The following TLCD1 variants were observed in gnomAD, a reference collection of about 807,000 sequenced individuals.
TLCD1 encodes the protein TLC domain-containing protein 1.
Under a neutral mutation model 21.2 loss-of-function variants are expected in TLCD1, and 21 were observed. The observed-to-expected ratio is 0.99, with a 90% CI of 0.70 to 1.42. The LOEUF (loss-of-function observed/expected upper bound fraction) is 1.42. Among genes scored for constraint, TLCD1 ranks in the 40% most tolerant of loss-of-function variants. The pLI is 0.00. For synonymous variants in TLCD1, 168 were observed against 134.8 expected (o/e 1.25, Z -1.71); for missense variants, 344 against 330.3 (o/e 1.04, Z -0.32).
upstream of TLCD1, chr17:28,726,917 A>T: frequency 8.9e-7 from 1 of 1,129,342 alleles, no homozygotes; most frequent in Non-Finnish European, 1.3e-6. Flanking sequence ...TGGGCAAGCA[A>T]GACCTCCGAT....
rs1567755617 is a variant in TLCD1 at position 28,725,894 on chromosome 17, GCTCA to G, written c.194+6_194+9del. 2 of 1,611,010 alleles carry G rather than the reference GCTCA, an allele frequency of 1.2e-6. No individual in the cohort carries two copies. The highest frequency in any genetic ancestry group is 1.7e-5 in the Admixed American group (1 of 59,592). ...CCCTGGCCACCTCATTTCCACAGTC[GCTCA>G]CTCACCACAGCAGTGCCCAGATCCC... On this transcript the variant is annotated splice_donor_region_variant and intron_variant, in intron 1 of 3. Transcript: ENST00000292090.
upstream of TLCD1, chr17:28,726,245 C>G: frequency 1.6e-6 from 2 of 1,272,260 alleles, no homozygotes; most frequent in Non-Finnish European, 2.0e-6. Flanking sequence ...CCCCTTGGCT[C>G]CTCCTCGCCC....
chr17:28,726,800 G>A (rs758196591), upstream of TLCD1: 6 of 1,548,674 alleles, frequency 3.9e-6, no homozygotes, highest in Middle Eastern at 1.7e-4. Context: ...GAACTGCTGA[G>A]TAACCCATCG....
chr17:28,724,830 G>A lies in TLCD1; in HGVS notation c.424C>T (p.Leu142=). The A allele has an allele frequency of 6.2e-7, 1 of 1,614,042 alleles. No individual in the cohort carries two copies. The highest frequency in any genetic ancestry group is 1.1e-5 in the South Asian group (1 of 91,070). The change falls in exon 4 of 4, where the codon CTA becomes TTA. Residue 142 remains leucine (L), a synonymous_variant. Coordinates refer to ENST00000292090, the MANE Select transcript of TLCD1 (RefSeq NM_138463.4). ...SSFVGGGVLT[L]LVEVSNIFLT... The stretch of plus-strand genomic sequence containing the variant: ...AAGATGTTGCTGACTTCCACCAGTA[G>A]TGTTAAGACACCCCCACCGACAAAG...
chr17:28,726,708 GC>G, upstream of TLCD1: 1 of 1,532,256 alleles, frequency 6.5e-7, no homozygotes. Context: ...CAGACCCAGT[GC>G]CCCTACCGCA....
At chr17:28,726,640 C>G, upstream of TLCD1, 1 of 1,008,312 alleles carries the variant, frequency 9.9e-7, no homozygotes, top group Non-Finnish European at 1.5e-6. Flanking sequence ...GCCCACGCCC[C>G]CTAAGTCCTG....
chr17:28,724,434 T>A lies in TLCD1; in HGVS notation c.*76A>T, dbSNP rs1446570320. The A allele has an allele frequency of 6.5e-7, 1 of 1,548,032 alleles. No individual in the cohort carries two copies. The highest frequency in any genetic ancestry group is 1.4e-5 in the African/African-American group (1 of 73,250). ...GGCTGGCCTCAGAGGACACCCAGGC[T>A]TGGGGCTAAGTCCCAGTGTCCATAT... is the stretch of plus-strand genomic sequence containing the variant. On this transcript the variant is annotated 3_prime_UTR_variant, in exon 4 of 4. Transcript: ENST00000292090.
chr17:28,724,972 A>T, intron 3 of TLCD1, 79 bp from the exon 4 acceptor site: 1 of 1,503,264 alleles, frequency 6.7e-7, no homozygotes, highest in Non-Finnish European at 8.9e-7. Flanking sequence ...TGGCTATCAG[A>T]TTGAGGGCTG....
chr17:28,724,657 G>T lies in TLCD1; in HGVS notation c.597C>A (p.Asn199Lys). 1.2e-6 allele frequency: 2 copies of T among 1,614,174 alleles called. No individual in the cohort carries two copies. The highest frequency in any genetic ancestry group is 8.5e-7 in the Non-Finnish European group (1 of 1,180,010). The change falls in exon 4 of 4, where the codon AAC becomes AAA. Residue 199 changes from asparagine (N) to lysine (K), a missense_variant. Coordinates refer to ENST00000292090, the MANE Select transcript of TLCD1 (RefSeq NM_138463.4). ...GCAGGAAGGTGCCCAGGGTCCTCTG[G>T]TTCACATAACGCAAGAAGAAATGGG... ...YLTHFFLRYV[N>K]QRTLGTFLLG...
chr17:28,725,278 T>G (rs778995111), intron 3 of TLCD1, 26 bp downstream of exon 3: 2 of 1,612,570 alleles, frequency 1.2e-6, no homozygotes. Flanking sequence ...ACCAGGCCTA[T>G]ACCACATAGT....
Position 28,726,045 on chromosome 17 carries a change from G to C in TLCD1, c.53C>G (p.Thr18Ser), listed in dbSNP as rs1378428976. 6.4e-7 allele frequency: 1 copy of C among 1,573,720 alleles called. No individual in the cohort carries two copies. Among genetic ancestry groups the C allele is most frequent in the East Asian group, 2.4e-5 (1 of 42,496 alleles). ...ALPLLLGATLTFRALRRALCR... is the reference protein window; with the variant it reads ...ALPLLLGATLSFRALRRALCR... ...GAGCGCGCGCCGGAGCGCCCGGAAGGTCAGCGTGGCGCCCAGGAGCAGCGG... is the reference window on the plus strand; with the variant it reads ...GAGCGCGCGCCGGAGCGCCCGGAAGCTCAGCGTGGCGCCCAGGAGCAGCGG... The change falls in exon 1 of 4, where the codon ACC becomes AGC. Residue 18 changes from threonine to serine, a missense_variant. Transcript: ENST00000292090.
rs767633625 is a variant in TLCD1, at chr17:28,725,563, A to G, written c.195T>C (p.Cys65=). Residue 65 remains cysteine, a splice_region_variant and synonymous_variant, in exon 2 of 4, where the codon TGT becomes TGC. Transcript: ENST00000292090. The stretch of plus-strand genomic sequence containing the variant: ...CTAACATGTCAGGAGTCTGCCATAC[A>G]CTGGAAAGGAGGGAAGAGGAGGCTC... ...SIVSGIWALL[C]VWQTPDMLVE... 3.1e-6 allele frequency: 5 copies of G among 1,613,822 alleles called. No individual in the cohort carries two copies. In the African/African-American group the frequency reaches 4.0e-5, roughly 13 times the overall value.
upstream of TLCD1, chr17:28,726,252 G>A (rs1487876378): frequency 3.2e-6 from 4 of 1,263,870 alleles, no homozygotes; most frequent in Admixed American, 4.2e-5. Context: ...GCTCCTCCTC[G>A]CCCTCCCTGC....
At chr17:28,725,038 T>G (rs1252102296) in intron 3 of TLCD1, 145 bp from the exon 4 acceptor site, 1 of 997,078 alleles carries the variant, frequency 1.0e-6, no homozygotes, top group East Asian at 2.6e-5. Context: ...GATGCTTTGT[T>G]TTGTTAGTTC....
Position 28,726,191 on chromosome 17 carries a change from T to A in TLCD1, c.-94A>T, listed in dbSNP as rs1260172708. On this transcript the variant is annotated 5_prime_UTR_variant, in exon 1 of 4. Coordinates refer to ENST00000292090, the MANE Select transcript of TLCD1 (RefSeq NM_138463.4). The stretch of plus-strand genomic sequence containing the variant: ...CGGGCCAGTCCAGGCCGGCCGCCTC[T>A]CCCGCCGGCCGCCAGCCCCACACAG... The A allele has an allele frequency of 1.5e-6, 2 of 1,370,440 alleles. No homozygotes were observed. Among genetic ancestry groups the A allele is most frequent in the Admixed American group, 3.8e-5 (1 of 26,594 alleles). The allele number at this position is 1,370,440 out of a possible 1,614,324, so 84.9% of individuals were successfully genotyped here.
chr17:28,726,846 CG>C, upstream of TLCD1: 2 of 1,543,152 alleles, frequency 1.3e-6, no homozygotes, highest in Non-Finnish European at 1.7e-6. Flanking sequence ...CTCCTGGGGC[CG>C]GGCGGCTGTC....
chr17:28,725,793 A>G (rs2034215450), intron 1 of TLCD1, 111 bp downstream of exon 1: 2 of 1,405,594 alleles, frequency 1.4e-6, no homozygotes, highest in African/African-American at 2.9e-5. Context: ...ATCAGGTGAG[A>G]CTGCGTGGCC....
upstream of TLCD1, chr17:28,726,997 C>G (rs2034243003): frequency 1.6e-6 from 1 of 629,926 alleles, no homozygotes; most frequent in Non-Finnish European, 2.9e-6. Context: ...CTCCTAGCCA[C>G]TAGGTGTCAG....
At chr17:28,726,293 C>T, upstream of TLCD1, 1 of 1,133,022 alleles carries the variant, frequency 8.8e-7, no homozygotes, top group East Asian at 3.7e-5. Flanking sequence ...CAGCCGCCCG[C>T]GCCCCCGCCC....
Sources: gnomAD v4.1 joint callset for allele counts on GRCh38, gnomAD v4.1.1 for gene constraint, MANE v1.5 for transcripts, NCBI Gene and HGNC (gene_info 2026-07-23, HGNC 2026-07-21) for gene names.